The following GAPDHS variants were observed in gnomAD, a reference collection of about 807,000 sequenced individuals.
GAPDHS encodes the protein glyceraldehyde-3-phosphate dehydrogenase, spermatogenic.
In GAPDHS, 42 loss-of-function variants were observed where a neutral mutation model predicts 48.7. That is an observed-to-expected ratio of 0.86 (90% CI 0.67 to 1.12). The LOEUF (loss-of-function observed/expected upper bound fraction) is 1.12. Ranked by LOEUF, GAPDHS falls within the 50% of genes most tolerant of loss-of-function variation. GAPDHS has a pLI of 0.00. For missense variants in GAPDHS, 512 were observed against 557.7 expected (o/e 0.92, Z 0.82); for synonymous variants, 166 against 219.1 (o/e 0.76, Z 2.14).
At chr19:35,544,041 C>A (rs1399510234) in intron 9 of GAPDHS, 3 of 795,036 alleles carry the variant, frequency 3.8e-6, no homozygotes, top group Admixed American at 3.7e-5. Flanking sequence ...TCCTCCAAGT[C>A]TCTGGAGGAA....
At chr19:35,538,773 G>A in intron 4 of GAPDHS, 90 bp downstream of exon 4, 1 of 832,050 alleles carries the variant, frequency 1.2e-6, no homozygotes, top group Admixed American at 1.9e-5. Context: ...CCTCTCACAT[G>A]GGGTGCTGAA....
At chr19:35,537,039 C>A in intron 2 of GAPDHS, 49 bp downstream of exon 2, 2 of 1,441,162 alleles carry the variant, frequency 1.4e-6, no homozygotes, top group Non-Finnish European at 1.9e-6. Flanking sequence ...GAGCCCAGCC[C>A]CTCCTCTGGC....
chr19:35,540,352 C>T (rs1261370557), intron 4 of GAPDHS, among the ~76,000 whole-genome samples: 1 of 152,188 alleles, frequency 6.6e-6, no homozygotes, highest in African/African-American at 2.4e-5. Flanking sequence ...GGGCAGGAGG[C>T]TGGGGCCCAT....
chr19:35,543,867 G>A lies in GAPDHS; in HGVS notation c.1056+40G>A, dbSNP rs768665093. 10 of 1,537,546 alleles carry A rather than the reference G, an allele frequency of 6.5e-6. No homozygotes were observed. The African/African-American group carries it at 1.4e-4, about 21-fold the overall frequency. ...GAGGAGACCCTGGGAGGAGCCCTCTGGGAAGGGACATGATTTCCACTTGCC... is the reference window on the plus strand; with the variant it reads ...GAGGAGACCCTGGGAGGAGCCCTCTAGGAAGGGACATGATTTCCACTTGCC... On this transcript the variant is annotated intron_variant, in intron 9 of 10. Transcript: ENST00000222286.
In GAPDHS at chr19:35,536,886, C is replaced by T; in HGVS notation, c.141C>T (p.Val47=). The T allele has an allele frequency of 1.2e-6, 2 of 1,613,968 alleles. No individual in the cohort carries two copies. The highest frequency in any genetic ancestry group is 1.7e-6 in the Non-Finnish European group (2 of 1,179,898). The stretch of plus-strand genomic sequence containing the variant: ...AGCCACAACCAGAGCCCACACCAGT[C>T]AGGGAGGAAATAAAGCCACCACCGC... ...EPQPQPEPTP[V]REEIKPPPPP... The change falls in exon 2 of 11, where the codon GTC becomes GTT. Residue 47 remains valine (V), a synonymous_variant. Coordinates refer to ENST00000222286, the MANE Select transcript of GAPDHS (RefSeq NM_014364.5).
At chr19:35,543,260 C>A in intron 7 of GAPDHS, 80 bp from the exon 8 acceptor site, 1 of 1,542,708 alleles carries the variant, frequency 6.5e-7, no homozygotes, top group Non-Finnish European at 8.9e-7. Context: ...CACACCTAGG[C>A]CACCAACTTA....
At position 35,545,191 on chromosome 19, in the gene GAPDHS, C is replaced by G; in HGVS notation, c.*21C>G. On this transcript the variant is annotated 3_prime_UTR_variant, in exon 11 of 11. Transcript: ENST00000222286. Reference sequence around the variant, plus strand: ...AGTGAAACGGGAAGGTCCTTTCTTTCCTTCCCAGGGGCCGGGGCCGGAACA... The same window carrying G: ...AGTGAAACGGGAAGGTCCTTTCTTTGCTTCCCAGGGGCCGGGGCCGGAACA... The G allele has an allele frequency of 6.2e-7, 1 of 1,600,598 alleles. No homozygotes were observed. Among genetic ancestry groups the G allele is most frequent in the South Asian group, 1.1e-5 (1 of 90,780 alleles).
chr19:35,536,013 T>C (rs1006721675), intron 1 of GAPDHS, among the ~76,000 whole-genome samples: 1 of 151,934 alleles, frequency 6.6e-6, no homozygotes, highest in Non-Finnish European at 1.5e-5. Context: ...GTGCCAGGAT[T>C]ACAGGTGTGA....
chr19:35,538,368 G>A lies in GAPDHS; in HGVS notation c.307G>A (p.Ala103Thr), dbSNP rs779428602. 6.2e-7 allele frequency: 1 copy of A among 1,613,390 alleles called. No individual in the cohort carries two copies. The highest frequency in any genetic ancestry group is 8.5e-7 in the Non-Finnish European group (1 of 1,179,382). The change falls in exon 3 of 11, where the codon GCT becomes ACT. Residue 103 changes from alanine (A) to threonine (T), a missense_variant. Ala to Thr is a moderately conservative substitution (Grantham distance 58, BLOSUM62 0). Coordinates refer to ENST00000222286, the MANE Select transcript of GAPDHS (RefSeq NM_014364.5). ...CATGGAGAAGGGTGTTAAGGTGGTGGCTGTGAATGATCCATTCATTGACCC... is the reference window on the plus strand; with the variant it reads ...CATGGAGAAGGGTGTTAAGGTGGTGACTGTGAATGATCCATTCATTGACCC... ...ACMEKGVKVV[A>T]VNDPFIDPEY...
chr19:35,545,259 A>T lies in GAPDHS; in HGVS notation c.*89A>T. ...CATCTGGCTGCCCGGGGGAGGAAGGACACCCGGGGCGGGCGCCCCACGCCG... is the reference window on the plus strand; with the variant it reads ...CATCTGGCTGCCCGGGGGAGGAAGGTCACCCGGGGCGGGCGCCCCACGCCG... On this transcript the variant is annotated 3_prime_UTR_variant, in exon 11 of 11. Transcript: ENST00000222286. 1 of 1,116,904 alleles carries T rather than the reference A, an allele frequency of 9.0e-7. No homozygotes were observed. The highest frequency in any genetic ancestry group is 2.4e-5 in the East Asian group (1 of 42,278). 69.2% of individuals were successfully genotyped at this position (1,116,904 alleles called of 1,614,324 possible).
Position 35,545,129 on chromosome 19 carries a change from G to A in GAPDHS, c.1186G>A (p.Val396Met). 1.9e-6 allele frequency: 3 copies of A among 1,614,118 alleles called. No individual in the cohort carries two copies. Among genetic ancestry groups the A allele is most frequent in the Non-Finnish European group, 1.7e-6 (2 of 1,179,988 alleles). Residue 396 changes from valine to methionine, a missense_variant, in exon 11 of 11, where the codon GTG becomes ATG. Val to Met is a conservative substitution (Grantham distance 21). Transcript: ENST00000222286. The stretch of plus-strand genomic sequence containing the variant: ...CAACGAATATGGCTACAGTCACCGG[G>A]TGGTCGACCTCCTCCGCTACATGTT... ...YDNEYGYSHR[V>M]VDLLRYMFSR...
chr19:35,537,925 A>G (rs917656815), intron 2 of GAPDHS, among the ~76,000 whole-genome samples: 3 of 151,986 alleles, frequency 2.0e-5, no homozygotes, highest in Non-Finnish European at 4.4e-5. Flanking sequence ...AAAATACAAA[A>G]ATTAGCCAGG....
At chr19:35,534,487 A>T (rs1168909608) in intron 1 of GAPDHS, among the ~76,000 whole-genome samples, 1 of 152,052 alleles carries the variant, frequency 6.6e-6, no homozygotes, top group Non-Finnish European at 1.5e-5. Flanking sequence ...CAGTGGGAGG[A>T]CGCAGTGAGG....
In GAPDHS at chr19:35,536,845, G is replaced by A. The variant is rs780063826; in HGVS notation, c.100G>A (p.Ala34Thr). Residue 34 changes from alanine to threonine, a missense_variant, in exon 2 of 11, where the codon GCT becomes ACT. Coordinates refer to ENST00000222286, the MANE Select transcript of GAPDHS (RefSeq NM_014364.5). ...TRAPPPPEPK[A>T]EVEPQPQPEP... ...AGCACCGCCCCCACCTGAGCCTAAG[G>A]CTGAAGTAGAGCCCCAGCCACAACC... 15 of 1,613,616 alleles carry A rather than the reference G, an allele frequency of 9.3e-6. No individual in the cohort carries two copies. The South Asian group carries it at 1.5e-4, about 17-fold the overall frequency.
rs2071537087 is a variant in GAPDHS at position 35,545,135 on chromosome 19, G to T, written c.1192G>T (p.Asp398Tyr). The change falls in exon 11 of 11, where the codon GAC (aspartate) becomes TAC (tyrosine). Residue 398 changes from aspartate to tyrosine, a missense_variant. Physicochemically the swap from Asp to Tyr is radical, Grantham distance 160. Coordinates refer to ENST00000222286, the MANE Select transcript of GAPDHS (RefSeq NM_014364.5). ...ATATGGCTACAGTCACCGGGTGGTC[G>T]ACCTCCTCCGCTACATGTTCAGCCG... ...NEYGYSHRVV[D>Y]LLRYMFSRDK The T allele has an allele frequency of 6.2e-7, 1 of 1,614,006 alleles. No individual in the cohort carries two copies. The highest frequency in any genetic ancestry group is 8.5e-7 in the Non-Finnish European group (1 of 1,179,904).
In GAPDHS at chr19:35,543,041, AG is replaced by A; in HGVS notation, c.741+19del. ...AAGGGTTGATGGTGAGTTGAGGATG[AG>A]GGGCTGGGGCAGGAAGGATGGCAGG... On this transcript the variant is annotated intron_variant, in intron 7 of 10. Transcript: ENST00000222286. 1 of 1,590,726 alleles carries A rather than the reference AG, an allele frequency of 6.3e-7. No homozygotes were observed. The highest frequency in any genetic ancestry group is 8.6e-7 in the Non-Finnish European group (1 of 1,158,688).
chr19:35,540,741 G>A (rs1180356010), intron 4 of GAPDHS: 1 of 152,132 alleles, frequency 6.6e-6, no homozygotes, highest in African/African-American at 2.4e-5. Flanking sequence ...TTCCTCATCG[G>A]GTTGTGAAGG....
Position 35,536,833 on chromosome 19 carries a change from C to T in GAPDHS, c.88C>T (p.Pro30Ser). 2 of 1,612,980 alleles carry T rather than the reference C, an allele frequency of 1.2e-6. No homozygotes were observed. Among genetic ancestry groups the T allele is most frequent in the Non-Finnish European group, 1.7e-6 (2 of 1,179,164 alleles). Residue 30 changes from proline (P) to serine (S), a missense_variant, in exon 2 of 11, where the codon CCT becomes TCT. Physicochemically the swap from Pro to Ser is moderately conservative, Grantham distance 74. Coordinates refer to ENST00000222286, the MANE Select transcript of GAPDHS (RefSeq NM_014364.5). ...CATAGTGACCAGAGCACCGCCCCCA[C>T]CTGAGCCTAAGGCTGAAGTAGAGCC... is the stretch of plus-strand genomic sequence containing the variant. ...PCPVTRAPPP[P>S]EPKAEVEPQP...
At chr19:35,537,280 A>C (rs1486624042) in intron 2 of GAPDHS, among the ~76,000 whole-genome samples, 1 of 152,204 alleles carries the variant, frequency 6.6e-6, no homozygotes, top group Non-Finnish European at 1.5e-5. Context: ...TGATCAGGGA[A>C]GGCCTTGGGG....
Sources: gnomAD v4.1 joint callset for allele counts (sites outside exome capture counted in the v4.1 genomes callset) on GRCh38, gnomAD v4.1.1 for gene constraint, MANE v1.5 for transcripts, NCBI Gene and HGNC (gene_info 2026-07-23, HGNC 2026-07-21) for gene names.